ZNF114: variants seen among roughly 807,000 people sequenced by gnomAD.
The protein encoded by ZNF114 is zinc finger protein 114.
ZNF114 carries 8 observed loss-of-function variants against 6.8 expected under a neutral mutation model. The ratio of observed to expected loss-of-function variants is 1.18; its 90% CI spans 0.69 to 2.13. The LOEUF (loss-of-function observed/expected upper bound fraction) is 2.13, where lower values mean the gene tolerates loss of function less well. Among genes scored for constraint, ZNF114 ranks in the 30% most tolerant of loss-of-function variants. ZNF114 has a pLI of 0.00. For synonymous variants in ZNF114, 169 were observed against 185.5 expected (o/e 0.91, Z 0.72); for missense variants, 472 against 519.5 (o/e 0.91, Z 0.89).
rs1600844920 is a variant in ZNF114 at position 48,282,639 on chromosome 19, G to A, written c.136+142G>A. ...CTGCCCCCCAGGTAGTAGGTGTAGGGTTCACCATGAAACTGGAAGTCAGTT... is the reference window on the plus strand; with the variant it reads ...CTGCCCCCCAGGTAGTAGGTGTAGGATTCACCATGAAACTGGAAGTCAGTT... On this transcript the variant is annotated intron_variant, in intron 5 of 5. Coordinates refer to ENST00000595607, the MANE Select transcript of ZNF114 (RefSeq NM_153608.4). 50 of 813,010 alleles carry A rather than the reference G, an allele frequency of 6.1e-5. 1 individual carries two copies. In the South Asian group the frequency reaches 1.8e-3, roughly 29 times the overall value. 50.4% of individuals were successfully genotyped at this position (813,010 alleles called of 1,614,324 possible).
chr19:48,276,979 G>C (rs1600839093), intron 3 of ZNF114, among the ~76,000 whole-genome samples: 2 of 152,008 alleles, frequency 1.3e-5, no homozygotes. Flanking sequence ...CCAACATAGT[G>C]AAACCCCGTC....
chr19:48,273,985 T>C (rs1021289463), intron 3 of ZNF114, among the ~76,000 whole-genome samples: 2 of 151,468 alleles, frequency 1.3e-5, no homozygotes, highest in Admixed American at 6.6e-5. Flanking sequence ...TCTTGATCTC[T>C]TGACCTCGTG....
Position 48,282,193 on chromosome 19 carries a change from C to T in ZNF114, c.10-178C>T, listed in dbSNP as rs187762276. ...GATTACAGGTGTGAGCCACCGCGCC[C>T]GGCCACAACCTCATCTTAATTCATT... On this transcript the variant is annotated intron_variant, in intron 4 of 5. Transcript: ENST00000595607. The T allele has an allele frequency of 2.8e-4, 220 of 794,922 alleles. 1 individual carries two copies. In the East Asian group the frequency reaches 6.8e-3, roughly 25 times the overall value. 49.2% of individuals were successfully genotyped at this position (794,922 alleles called of 1,614,324 possible). A position where few individuals can be genotyped will look rare whatever the true frequency, so the allele number is the denominator to read the frequency against.
In ZNF114 at chr19:48,286,777, G is replaced by C; in HGVS notation, c.1153G>C (p.Glu385Gln). ...TACACATATAAGGAGCCACACTGGAGAGAAACCCTATAAATGTAAGACATG... is the reference window on the plus strand; with the variant it reads ...TACACATATAAGGAGCCACACTGGACAGAAACCCTATAAATGTAAGACATG... The part of the protein sequence containing the change: ...KYTHIRSHTG[E>Q]KPYKCKTCGK... Residue 385 changes from glutamate to glutamine, a missense_variant, in exon 6 of 6, where the codon GAG (glutamate) becomes CAG (glutamine). By Grantham distance (29) the Glu-to-Gln change is conservative. Transcript: ENST00000595607. The C allele has an allele frequency of 6.2e-7, 1 of 1,612,498 alleles. No individual in the cohort carries two copies. The highest frequency in any genetic ancestry group is 8.5e-7 in the Non-Finnish European group (1 of 1,179,622).
chr19:48,272,122 T>G (rs1451260559), intron 3 of ZNF114, among the ~76,000 whole-genome samples: 1 of 152,160 alleles, frequency 6.6e-6, no homozygotes, highest in Non-Finnish European at 1.5e-5. Flanking sequence ...ATGAAAGTAT[T>G]GGAGCTGGCC....
At chr19:48,276,074 CTTTTTTTTT>C (rs34454372) in intron 3 of ZNF114, among the ~76,000 whole-genome samples, 2 of 73,418 alleles carry the variant, frequency 2.7e-5, no homozygotes, top group Non-Finnish European at 5.1e-5. Context: ...CCTCTTACCT[CTTTTTTTTT>C]TTTTTTTTTT....
At position 48,281,347 on chromosome 19, in the gene ZNF114, A is replaced by AC. The variant is rs1263610452; in HGVS notation, c.10-1024_10-1023insC. ...AGAGTTGCTTCCTTCTGGAGGCTCC[A>AC]AAAAAGAATTTGTTCCATGCTCTTA... is the stretch of plus-strand genomic sequence containing the variant. On this transcript the variant is annotated intron_variant, in intron 4 of 5. Coordinates refer to ENST00000595607, the MANE Select transcript of ZNF114 (RefSeq NM_153608.4). Among the ~76,000 whole-genome samples the AC allele has an allele frequency of 5.5e-4, 84 of 152,042 alleles. 1 individual carries two copies. The highest frequency in any genetic ancestry group is 1.7e-3 in the African/African-American group (72 of 41,492).
intron 4 of ZNF114, 48 bp from the exon 5 acceptor site, chr19:48,282,323 A>G (rs34532606): frequency 0.021 from 34,338 of 1,607,812 alleles, 745 homozygotes; most frequent in African/African-American, 0.1. Flanking sequence ...CACAGTTCAA[A>G]CTGATAACAG....
chr19:48,287,020 C>A lies in ZNF114; in HGVS notation c.*142C>A, dbSNP rs976297424. 3.4e-6 allele frequency: 3 copies of A among 887,126 alleles called. No homozygotes were observed. Among genetic ancestry groups the A allele is most frequent in the South Asian group, 2.7e-5 (1 of 37,618 alleles). 55.0% of individuals were successfully genotyped at this position (887,126 alleles called of 1,614,324 possible). Reference sequence around the variant, plus strand: ...TATCTTACAGAAATGTGAAAAAAAACCCTGTGAAGGTAAAGTCTACAGAAA... The same window carrying A: ...TATCTTACAGAAATGTGAAAAAAAAACCTGTGAAGGTAAAGTCTACAGAAA... On this transcript the variant is annotated 3_prime_UTR_variant, in exon 6 of 6. Transcript: ENST00000595607.
intron 5 of ZNF114, 24 bp downstream of exon 5, chr19:48,282,521 T>G (rs768969638): frequency 1.2e-6 from 2 of 1,600,440 alleles, no homozygotes; most frequent in South Asian, 2.2e-5. Flanking sequence ...CTTCCTGCAC[T>G]TAGTCCGTGA....
chr19:48,282,251 G>C, intron 4 of ZNF114, 120 bp from the exon 5 acceptor site: 1 of 1,366,342 alleles, frequency 7.3e-7, no homozygotes, highest in Non-Finnish European at 1.0e-6. Context: ...CACAAATCAG[G>C]TCACCTTTGC....
chr19:48,282,731 G>C (rs1342385607), intron 5 of ZNF114, among the ~76,000 whole-genome samples: 1 of 150,558 alleles, frequency 6.6e-6, no homozygotes, highest in African/African-American at 2.4e-5. Context: ...TTTATTTTTT[G>C]AGACAGGGTC....
chr19:48,285,536 AG>A (rs1968092361), intron 5 of ZNF114, among the ~76,000 whole-genome samples: 1 of 123,710 alleles, frequency 8.1e-6, no homozygotes, highest in Admixed American at 8.7e-5. Flanking sequence ...AGAGAGAGAG[AG>A]AGGAAAGAAG....
intron 4 of ZNF114, among the ~76,000 whole-genome samples, chr19:48,280,050 G>A (rs180994452): frequency 1.3e-5 from 2 of 152,270 alleles, no homozygotes; most frequent in Non-Finnish European, 2.9e-5. Flanking sequence ...CTGCCAGTGG[G>A]CTTCACGTTC....
At chr19:48,270,709 A>G (rs1172955506) in intron 1 of ZNF114, among the ~76,000 whole-genome samples, 2 of 93,860 alleles carry the variant, frequency 2.1e-5, no homozygotes, top group Non-Finnish European at 4.8e-5. Context: ...GAGGAAAAGA[A>G]AGAAAGAGAA....
intron 4 of ZNF114, among the ~76,000 whole-genome samples, 178 bp downstream of exon 4, chr19:48,279,986 C>T (rs1504520): frequency 0.44 from 67,399 of 151,922 alleles, 15,773 homozygotes; most frequent in East Asian, 0.52. Flanking sequence ...TGGGGATTCT[C>T]CTGGGACCAC....
chr19:48,272,122 T>C (rs1451260559), intron 3 of ZNF114, among the ~76,000 whole-genome samples: 1 of 152,160 alleles, frequency 6.6e-6, no homozygotes, highest in African/African-American at 2.4e-5. Context: ...ATGAAAGTAT[T>C]GGAGCTGGCC....
intron 3 of ZNF114, among the ~76,000 whole-genome samples, chr19:48,272,700 T>TAAAAAAAAAAAAAAAAAAAA (rs1555875993): frequency 5.0e-5 from 4 of 79,370 alleles, no homozygotes; most frequent in Non-Finnish European, 7.6e-5. Context: ...AAAAAAAAAG[T>TAAAAAAAAAAAAAAAAAAAA]ATTGGATTGG....
chr19:48,276,436 C>T lies in ZNF114; in HGVS notation c.-69-3295C>T, dbSNP rs116155994. On this transcript the variant is annotated intron_variant, in intron 3 of 5. Transcript: ENST00000595607. ...CCCAGCAAGTCCTGAGTGATGCCTC[C>T]GTACCCTGCTAATGACTGCCTCCCC... is the stretch of plus-strand genomic sequence containing the variant. 6.9e-3 allele frequency among the ~76,000 whole-genome samples: 1,046 copies of T among 152,148 alleles called. 6 individuals are homozygous for T. The highest frequency in any genetic ancestry group is 0.024 in the African/African-American group (988 of 41,508).
Sources: allele counts gnomAD v4.1 joint callset (sites outside exome capture counted in the v4.1 genomes callset), GRCh38; gene constraint gnomAD v4.1.1; transcripts MANE v1.5; gene names NCBI Gene and HGNC (gene_info 2026-07-23, HGNC 2026-07-21).